VSNL1: variants seen among roughly 807,000 people sequenced by gnomAD.
The protein encoded by VSNL1 is visinin-like protein 1.
VSNL1 carries 6 observed loss-of-function variants against 20.4 expected under a neutral mutation model. The ratio of observed to expected loss-of-function variants is 0.29; its 90% CI spans 0.16 to 0.58. The LOEUF is 0.58. VSNL1 is among the 20% of genes least tolerant of loss of function. VSNL1 has a pLI of 0.90. For missense variants in VSNL1, 100 were observed against 234.5 expected (o/e 0.43, Z 3.75); for synonymous variants, 93 against 86.4 (o/e 1.08, Z -0.42).
intron 2 of VSNL1, among the ~76,000 whole-genome samples, chr2:17,604,257 A>T (rs1353004084): frequency 6.6e-6 from 1 of 152,252 alleles, no homozygotes. Flanking sequence ...GGTGATGAGC[A>T]GGGGAGCAGA....
intron 1 of VSNL1, among the ~76,000 whole-genome samples, chr2:17,546,762 G>T (rs1258740178): frequency 6.6e-6 from 1 of 151,842 alleles, no homozygotes; most frequent in Non-Finnish European, 1.5e-5. Flanking sequence ...GCTGCACAAG[G>T]CTCACTTTCA....
At chr2:17,620,216 C>T (rs142169917) in intron 2 of VSNL1, among the ~76,000 whole-genome samples, 12 of 152,248 alleles carry the variant, frequency 7.9e-5, no homozygotes, top group African/African-American at 2.2e-4. Flanking sequence ...ACTGTATGAA[C>T]GGGCAAAACC....
intron 2 of VSNL1, among the ~76,000 whole-genome samples, chr2:17,618,824 T>A (rs1665281012): frequency 6.6e-6 from 1 of 152,158 alleles, no homozygotes; most frequent in African/African-American, 2.4e-5. Context: ...CATGAGGAGT[T>A]CAGTGAATTG....
intron 1 of VSNL1, among the ~76,000 whole-genome samples, chr2:17,546,352 T>C (rs1663405326): frequency 6.6e-6 from 1 of 151,992 alleles, no homozygotes; most frequent in South Asian, 2.1e-4. Flanking sequence ...ATTTTGTTTA[T>C]TATTTCTTAG....
intron 1 of VSNL1, among the ~76,000 whole-genome samples, chr2:17,588,504 T>C (rs928890770): frequency 6.6e-6 from 1 of 152,230 alleles, no homozygotes; most frequent in Non-Finnish European, 1.5e-5. Flanking sequence ...ATGTACTGTT[T>C]GTACTCTTTC....
intron 1 of VSNL1, among the ~76,000 whole-genome samples, chr2:17,561,372 G>A (rs530064645): frequency 1.2e-4 from 18 of 152,250 alleles, no homozygotes; most frequent in African/African-American, 4.3e-4. Flanking sequence ...ACAAGGGCTG[G>A]ATTTGATAGT....
chr2:17,570,445 T>A (rs1005800150), intron 1 of VSNL1, among the ~76,000 whole-genome samples: 1 of 152,226 alleles, frequency 6.6e-6, no homozygotes. Flanking sequence ...AATTTAAATA[T>A]TAAATCTATT....
intron 2 of VSNL1, among the ~76,000 whole-genome samples, chr2:17,597,552 T>A (rs773844619): frequency 7.2e-5 from 11 of 152,136 alleles, no homozygotes; most frequent in Non-Finnish European, 1.2e-4. Context: ...AGAGTCCAAT[T>A]TGATCATCAT....
chr2:17,595,432 A>G (rs1482912054), intron 2 of VSNL1, among the ~76,000 whole-genome samples: 2 of 152,368 alleles, frequency 1.3e-5, no homozygotes, highest in East Asian at 3.9e-4. Flanking sequence ...AGTAGAAAGC[A>G]GAGAGGTTGA....
At chr2:17,559,854 A>G (rs1015390276) in intron 1 of VSNL1, among the ~76,000 whole-genome samples, 7 of 152,222 alleles carry the variant, frequency 4.6e-5, no homozygotes, top group South Asian at 2.1e-4. Flanking sequence ...TGAAATAAGC[A>G]GAATAAACAT....
At chr2:17,614,470 G>A (rs1029250385) in intron 2 of VSNL1, among the ~76,000 whole-genome samples, 1 of 152,224 alleles carries the variant, frequency 6.6e-6, no homozygotes, top group Non-Finnish European at 1.5e-5. Flanking sequence ...TTGCTTAGCA[G>A]TCACAGGGAA....
chr2:17,620,896 T>G (rs1665339402), intron 2 of VSNL1, among the ~76,000 whole-genome samples: 1 of 152,234 alleles, frequency 6.6e-6, no homozygotes, highest in Non-Finnish European at 1.5e-5. Flanking sequence ...AGGGCTAATT[T>G]GAATTTTACA....
intron 1 of VSNL1, among the ~76,000 whole-genome samples, chr2:17,587,110 G>A (rs1321884136): frequency 6.6e-6 from 1 of 152,068 alleles, no homozygotes; most frequent in Admixed American, 6.6e-5. Context: ...TATTTCCAAG[G>A]TTGTTTTCCC....
At chr2:17,651,382 G>T (rs1422460878) in intron 3 of VSNL1, among the ~76,000 whole-genome samples, 2 of 152,186 alleles carry the variant, frequency 1.3e-5, no homozygotes, top group African/African-American at 2.4e-5. Flanking sequence ...ACTGTGGATT[G>T]GTTACTGTCA....
intron 2 of VSNL1, among the ~76,000 whole-genome samples, chr2:17,617,811 A>T (rs965328156): frequency 5.9e-5 from 9 of 151,948 alleles, no homozygotes; most frequent in Admixed American, 3.3e-4. Flanking sequence ...AACAGGGCTG[A>T]ATTGTTGCCC....
intron 1 of VSNL1, among the ~76,000 whole-genome samples, chr2:17,584,357 G>A (rs1361201985): frequency 2.6e-5 from 4 of 152,096 alleles, no homozygotes; most frequent in Admixed American, 2.6e-4. Flanking sequence ...CAGGCACTCA[G>A]GAAATGTTCT....
chr2:17,647,193 T>A (rs958789147), intron 2 of VSNL1, among the ~76,000 whole-genome samples: 4 of 152,240 alleles, frequency 2.6e-5, no homozygotes, highest in Non-Finnish European at 5.9e-5. Context: ...CAGTTATTTT[T>A]AGATAAAACT....
intron 2 of VSNL1, among the ~76,000 whole-genome samples, chr2:17,609,620 T>C (rs193091449): frequency 1.3e-5 from 2 of 152,332 alleles, no homozygotes; most frequent in Admixed American, 1.3e-4. Context: ...GGACTCACTC[T>C]GTATGCTTCT....
chr2:17,640,419 T>C (rs2103421267), intron 2 of VSNL1, among the ~76,000 whole-genome samples: 1 of 152,364 alleles, frequency 6.6e-6, no homozygotes. Context: ...CATAGCATCC[T>C]TACTTCTCTA....
Sources: gnomAD v4.1 joint callset for allele counts (sites outside exome capture counted in the v4.1 genomes callset) on GRCh38, gnomAD v4.1.1 for gene constraint, MANE v1.5 for transcripts, NCBI Gene and HGNC (gene_info 2026-07-23, HGNC 2026-07-21) for gene names.